TRAF3: variants seen among roughly 807,000 people sequenced by gnomAD.
The protein encoded by TRAF3 is TNF receptor associated factor 3, also known as TNF receptor-associated factor 3.
TRAF3 carries 13 observed loss-of-function variants against 62.3 expected under a neutral mutation model. The observed-to-expected ratio is 0.21, with a 90% CI of 0.14 to 0.33. The LOEUF (loss-of-function observed/expected upper bound fraction) is 0.33. Among genes scored for constraint, TRAF3 ranks in the 10% least tolerant of loss-of-function variants. The probability of loss-of-function intolerance (pLI) is 1.00; values close to 1 mark genes in which losing one functional copy is unlikely to be tolerated. For synonymous variants in TRAF3, 269 were observed against 283.4 expected, an observed-to-expected ratio of 0.95 and a Z score of 0.51; for missense variants, 440 against 741.8, an observed-to-expected ratio of 0.59 and a Z score of 4.73.
chr14:102,822,409 A>G (rs1257191830), intron 1 of TRAF3, among the ~76,000 whole-genome samples: 2 of 152,216 alleles, frequency 1.3e-5, no homozygotes, highest in Non-Finnish European at 2.9e-5. Context: ...TGTTGTCAAT[A>G]TGCAGATTTT....
intron 1 of TRAF3, among the ~76,000 whole-genome samples, chr14:102,827,659 C>A (rs973104182): frequency 2.0e-5 from 3 of 152,148 alleles, no homozygotes; most frequent in East Asian, 1.9e-4. Flanking sequence ...TTTGAATATT[C>A]TTTTTATATA....
chr14:102,805,306 C>T (rs1182471711), intron 1 of TRAF3, among the ~76,000 whole-genome samples: 1 of 152,176 alleles, frequency 6.6e-6, no homozygotes, highest in Non-Finnish European at 1.5e-5. Flanking sequence ...ACCTCAAAAA[C>T]TCTGTGGTAA....
At chr14:102,812,287 A>AAT (rs1188893314) in intron 1 of TRAF3, among the ~76,000 whole-genome samples, 1 of 152,092 alleles carries the variant, frequency 6.6e-6, no homozygotes, top group Non-Finnish European at 1.5e-5. Flanking sequence ...TATCTCACTT[A>AAT]ATATAGTGTC....
chr14:102,868,087 A>G (rs1888110646), intron 2 of TRAF3, among the ~76,000 whole-genome samples: 1 of 152,196 alleles, frequency 6.6e-6, no homozygotes. Context: ...CAGGATGCCC[A>G]GGAGCTCAGG....
chr14:102,820,850 T>C (rs540523363), intron 1 of TRAF3, among the ~76,000 whole-genome samples: 1 of 151,250 alleles, frequency 6.6e-6, no homozygotes, highest in Non-Finnish European at 1.5e-5. Context: ...ACTAGGCTGG[T>C]CTTGAACTCC....
intron 2 of TRAF3, among the ~76,000 whole-genome samples, chr14:102,839,210 C>CCT (rs1310697452): frequency 0.06 from 5,403 of 89,786 alleles, 684 homozygotes; most frequent in East Asian, 0.19. Context: ...GTTGATTTGC[C>CCT]TTTTTTTTTT....
intron 1 of TRAF3, among the ~76,000 whole-genome samples, chr14:102,779,269 CTTTTTTTTTTTTTTTT>C (rs61309052): frequency 1.4e-3 from 175 of 123,346 alleles, no homozygotes; most frequent in Non-Finnish European, 1.5e-3. Context: ...AGAATTCCAG[CTTTTTTTTTTTTTTTT>C]TTTTTTTTTT....
chr14:102,899,742 G>A (rs1344705674), intron 10 of TRAF3, among the ~76,000 whole-genome samples: 13 of 152,180 alleles, frequency 8.5e-5, no homozygotes, highest in Admixed American at 8.5e-4. Context: ...GAAGCACAGA[G>A]GGCCCGATGG....
intron 6 of TRAF3, among the ~76,000 whole-genome samples, chr14:102,883,727 G>A (rs1034599193): frequency 1.3e-5 from 2 of 151,944 alleles, no homozygotes; most frequent in African/African-American, 2.4e-5. Flanking sequence ...CTGGGATTAC[G>A]GGTGCCCGCC....
chr14:102,869,633 C>T (rs186060026), intron 2 of TRAF3, among the ~76,000 whole-genome samples: 2 of 151,972 alleles, frequency 1.3e-5, no homozygotes, highest in African/African-American at 2.4e-5. Flanking sequence ...GGTAAAACCC[C>T]GTCTCTACTA....
intron 2 of TRAF3, among the ~76,000 whole-genome samples, chr14:102,836,210 C>T (rs1207979724): frequency 1.3e-5 from 2 of 152,272 alleles, no homozygotes; most frequent in African/African-American, 4.8e-5. Flanking sequence ...TGTGCACCTG[C>T]TCCTCTGTGC....
At chr14:102,874,747 C>T (rs1182888141) in intron 4 of TRAF3, among the ~76,000 whole-genome samples, 3 of 151,616 alleles carry the variant, frequency 2.0e-5, no homozygotes, top group African/African-American at 4.9e-5. Flanking sequence ...ACCTGCCAGG[C>T]TAAAGCAGTC....
chr14:102,856,866 G>A (rs1887403271), intron 2 of TRAF3, among the ~76,000 whole-genome samples: 1 of 152,132 alleles, frequency 6.6e-6, no homozygotes, highest in Admixed American at 6.5e-5. Flanking sequence ...GTAGAGAAGA[G>A]CTCAGTCAGA....
intron 9 of TRAF3, among the ~76,000 whole-genome samples, 189 bp from the exon 10 acceptor site, chr14:102,897,072 C>T (rs1890044589): frequency 6.6e-6 from 1 of 151,758 alleles, no homozygotes; most frequent in Admixed American, 6.6e-5. Context: ...GACCCTGTCT[C>T]TAGAGGGGAA....
Position 102,801,821 on chromosome 14 carries a change from A to G in TRAF3, c.-157+24146A>G, listed in dbSNP as rs539725426. 3.9e-5 allele frequency among the ~76,000 whole-genome samples: 6 copies of G among 152,018 alleles called. No individual in the cohort carries two copies. In the South Asian group the frequency reaches 1.2e-3, roughly 32 times the overall value. ...ATCACAAGGTCAGGAGATGGAGACCATCCTGGCTAACACAGTGAAACCCCG... is the reference window on the plus strand; with the variant it reads ...ATCACAAGGTCAGGAGATGGAGACCGTCCTGGCTAACACAGTGAAACCCCG... On this transcript the variant is annotated intron_variant, in intron 1 of 11. Transcript: ENST00000392745.
intron 2 of TRAF3, among the ~76,000 whole-genome samples, chr14:102,856,460 A>G (rs915308362): frequency 1.3e-5 from 2 of 152,176 alleles, no homozygotes; most frequent in African/African-American, 4.8e-5. Context: ...TAGCATGCTG[A>G]TGCATTATAA....
At chr14:102,799,305 T>C (rs1278376818) in intron 1 of TRAF3, among the ~76,000 whole-genome samples, 3 of 152,220 alleles carry the variant, frequency 2.0e-5, no homozygotes, top group Admixed American at 1.3e-4. Flanking sequence ...CTACCACTCA[T>C]GTTCTTTTCC....
chr14:102,878,515 A>C (rs1476204883), intron 6 of TRAF3, among the ~76,000 whole-genome samples: 1 of 152,130 alleles, frequency 6.6e-6, no homozygotes, highest in Non-Finnish European at 1.5e-5. Context: ...TTGTTGAACA[A>C]ACACCTATTG....
At chr14:102,871,991 C>T (rs1038973315) in intron 4 of TRAF3, 23 bp downstream of exon 4, 2 of 1,609,048 alleles carry the variant, frequency 1.2e-6, no homozygotes, top group African/African-American at 2.7e-5. Flanking sequence ...TTTTTTTAAT[C>T]ATTTTGTCAC....
Sources: allele counts gnomAD v4.1 joint callset (sites outside exome capture counted in the v4.1 genomes callset), GRCh38; gene constraint gnomAD v4.1.1; transcripts MANE v1.5; gene names NCBI Gene and HGNC (gene_info 2026-07-23, HGNC 2026-07-21).